Variants in PIGP observed in about 807,000 individuals in gnomAD.
PIGP encodes the protein phosphatidylinositol N-acetylglucosaminyltransferase subunit P.
PIGP carries 12 observed loss-of-function variants against 16.9 expected under a neutral mutation model. The ratio of observed to expected loss-of-function variants is 0.71; its 90% CI spans 0.46 to 1.15. PIGP has a LOEUF of 1.15. Among genes scored for constraint, PIGP ranks in the 50% most tolerant of loss-of-function variants. The pLI, the probability that PIGP is intolerant of heterozygous loss-of-function variation, is 0.00. For synonymous variants in PIGP, 57 were observed against 54.7 expected, an observed-to-expected ratio of 1.04 and a Z score of -0.18; for missense variants, 159 against 153.5, an observed-to-expected ratio of 1.04 and a Z score of -0.19.
At position 37,069,874 on chromosome 21, in the gene PIGP, A is replaced by G. The variant is rs528777923; in HGVS notation, c.83-250T>C. Among the ~76,000 whole-genome samples the G allele has an allele frequency of 5.9e-5, 9 of 152,288 alleles. No homozygotes were observed. The South Asian group carries it at 1.7e-3, about 28-fold the overall frequency. ...ATTATATTTTAAGCAATTCAAGGAT[A>G]CAAATCATGGCTTAGCAATTGTTGT... On this transcript the variant is annotated intron_variant, in intron 2 of 4. Coordinates refer to ENST00000360525, the MANE Select transcript of PIGP (RefSeq NM_153682.3).
chr21:37,068,082 C>G (rs2146807298), intron 3 of PIGP, among the ~76,000 whole-genome samples: 1 of 151,566 alleles, frequency 6.6e-6, no homozygotes, highest in South Asian at 2.1e-4. Context: ...GATCACAGAT[C>G]ACTAGCCTCA....
At position 37,072,415 on chromosome 21, in the gene PIGP, C is replaced by A; in HGVS notation, c.82+19G>T. The A allele has an allele frequency of 6.2e-7, 1 of 1,613,670 alleles. No homozygotes were observed. The highest frequency in any genetic ancestry group is 1.7e-5 in the Admixed American group (1 of 59,946). The stretch of plus-strand genomic sequence containing the variant: ...AACGCCAGAAAAAGCCCCTGGCCAT[C>A]CATCAGGAAAGTACTTACTGAAGCC... On this transcript the variant is annotated intron_variant, in intron 2 of 4. Coordinates refer to ENST00000360525, the MANE Select transcript of PIGP (RefSeq NM_153682.3).
chr21:37,067,237 G>T, intron 4 of PIGP, 25 bp downstream of exon 4: 1 of 1,296,308 alleles, frequency 7.7e-7, no homozygotes, highest in Non-Finnish European at 1.1e-6. Flanking sequence ...CATTGCCCCA[G>T]CACTTTCCTT....
At chr21:37,067,469 A>T (rs2069926959) in intron 3 of PIGP, 89 bp from the exon 4 acceptor site, 11 of 751,652 alleles carry the variant, frequency 1.5e-5, no homozygotes, top group South Asian at 1.4e-4. Flanking sequence ...ATGTTTTTTA[A>T]ATTTAAATTT....
chr21:37,068,910 C>T (rs756922488), intron 3 of PIGP, among the ~76,000 whole-genome samples: 15 of 152,240 alleles, frequency 9.9e-5, no homozygotes, highest in Non-Finnish European at 1.6e-4. Context: ...AGTAAGATGC[C>T]GCATTCCCAC....
rs2070145739 is a variant in PIGP, at chr21:37,072,531, A to C, written c.-16T>G. On this transcript the variant is annotated 5_prime_UTR_variant, in exon 2 of 5. Coordinates refer to ENST00000360525, the MANE Select transcript of PIGP (RefSeq NM_153682.3). ...TTTCCACCATTTTTCCTGGGGCTTT[A>C]GACAATCTGTGGAAAAGGAACACAA... is the stretch of plus-strand genomic sequence containing the variant. 1 of 1,614,220 alleles carries C rather than the reference A, an allele frequency of 6.2e-7. No homozygotes were observed. The highest frequency in any genetic ancestry group is 8.5e-7 in the Non-Finnish European group (1 of 1,180,008).
rs2069969073 is a variant in PIGP at position 37,069,726 on chromosome 21, G to C, written c.83-102C>G. ...TCAGATAAAACAGAAAAGCTCTTTT[G>C]AAGTGTCCCTGATTAACTCAGAAAT... On this transcript the variant is annotated intron_variant, in intron 2 of 4. Coordinates refer to ENST00000360525, the MANE Select transcript of PIGP (RefSeq NM_153682.3). 6 of 749,944 alleles carry C rather than the reference G, an allele frequency of 8.0e-6. No homozygotes were observed. The East Asian group carries it at 1.7e-4, about 21-fold the overall frequency. The allele number at this position is 749,944 out of a possible 1,614,324, so 46.5% of individuals were successfully genotyped here.
intron 3 of PIGP, among the ~76,000 whole-genome samples, chr21:37,068,701 C>A (rs2069948065): frequency 6.6e-6 from 1 of 152,126 alleles, no homozygotes; most frequent in Non-Finnish European, 1.5e-5. Flanking sequence ...AGAGACTTGG[C>A]CACTTCACTG....
At chr21:37,072,882 C>T (rs137969203) in intron 1 of PIGP, 118 bp downstream of exon 1, 203 of 397,702 alleles carry the variant, frequency 5.1e-4, no homozygotes, top group South Asian at 8.1e-4. Flanking sequence ...GGCGCCCAGG[C>T]CCCGGGCCCT....
At chr21:37,072,726 A>T in intron 1 of PIGP, 189 bp from the exon 2 acceptor site, 1 of 866,598 alleles carries the variant, frequency 1.2e-6, no homozygotes, top group Non-Finnish European at 1.8e-6. Flanking sequence ...CCGCAACAGA[A>T]GGGGTGGCGG....
chr21:37,069,005 G>A (rs1049085537), intron 3 of PIGP, among the ~76,000 whole-genome samples: 3 of 152,192 alleles, frequency 2.0e-5, no homozygotes, highest in Admixed American at 6.5e-5. Context: ...GGGGAGGGCA[G>A]GGCAGGCCTC....
At chr21:37,069,074 T>C (rs2069955344) in intron 3 of PIGP, among the ~76,000 whole-genome samples, 1 of 152,196 alleles carries the variant, frequency 6.6e-6, no homozygotes, top group South Asian at 2.1e-4. Context: ...TCTTTAAACA[T>C]GTTTTCAGTT....
In PIGP at chr21:37,065,724, G is replaced by T; in HGVS notation, c.275-12C>A. 1.2e-6 allele frequency: 2 copies of T among 1,610,402 alleles called. No individual in the cohort carries two copies. Among genetic ancestry groups the T allele is most frequent in the South Asian group, 1.1e-5 (1 of 90,518 alleles). ...TTTTGCATAGTTATCTGTAAGAAAA[G>T]ACCAAAAAGCTCTGTTTACCTAAGC... On this transcript the variant is annotated splice_polypyrimidine_tract_variant and intron_variant, in intron 4 of 4. Coordinates refer to ENST00000360525, the MANE Select transcript of PIGP (RefSeq NM_153682.3).
intron 2 of PIGP, 142 bp downstream of exon 2, chr21:37,072,292 C>G: frequency 1.9e-6 from 3 of 1,605,018 alleles, no homozygotes; most frequent in Non-Finnish European, 2.6e-6. Context: ...TCAGCAAACA[C>G]GAGATCCCTT....
chr21:37,066,971 CGT>C (rs56940945), intron 4 of PIGP, among the ~76,000 whole-genome samples: 21,592 of 143,290 alleles, frequency 0.15, 1,853 homozygotes, highest in East Asian at 0.41. Context: ...TTTTACTGTC[CGT>C]GTGTGTGTGT....
At chr21:37,068,333 C>T (rs959167876) in intron 3 of PIGP, among the ~76,000 whole-genome samples, 1 of 150,898 alleles carries the variant, frequency 6.6e-6, no homozygotes, top group African/African-American at 2.4e-5. Context: ...CTAGAGATTA[C>T]CTTTGTTTTA....
chr21:37,072,855 C>G (rs1488839594), intron 1 of PIGP, 145 bp downstream of exon 1: 1 of 454,986 alleles, frequency 2.2e-6, no homozygotes, highest in Non-Finnish European at 3.9e-6. Flanking sequence ...CACCAGCATG[C>G]GGGCCTACTA....
intron 2 of PIGP, among the ~76,000 whole-genome samples, chr21:37,070,164 C>T (rs2069978931): frequency 6.6e-6 from 1 of 152,134 alleles, no homozygotes; most frequent in South Asian, 2.1e-4. Flanking sequence ...AAGCACAGTT[C>T]CAAGCATTCT....
intron 2 of PIGP, 141 bp downstream of exon 2, chr21:37,072,293 G>A (rs1273550630): frequency 5.6e-6 from 9 of 1,604,818 alleles, no homozygotes; most frequent in South Asian, 1.1e-5. Flanking sequence ...CAGCAAACAC[G>A]AGATCCCTTC....
Sources: gnomAD v4.1 joint callset for allele counts (sites outside exome capture counted in the v4.1 genomes callset) on GRCh38, gnomAD v4.1.1 for gene constraint, MANE v1.5 for transcripts, NCBI Gene and HGNC (gene_info 2026-07-23, HGNC 2026-07-21) for gene names.